Variants in KNDC1 observed in about 807,000 individuals in gnomAD.
KNDC1 encodes the protein kinase non-catalytic C-lobe domain-containing protein 1.
Under a neutral mutation model 172.8 loss-of-function variants are expected in KNDC1, and 106 were observed. The observed-to-expected ratio is 0.61, with a 90% CI of 0.52 to 0.72. The LOEUF (loss-of-function observed/expected upper bound fraction) is 0.72, where lower values mean the gene tolerates loss of function less well. Ranked by LOEUF, KNDC1 falls within the 30% of genes least tolerant of loss-of-function variation. The pLI is 0.00. For missense variants in KNDC1, 2,325 were observed against 2,394.5 expected (o/e 0.97, Z 0.61); for synonymous variants, 1,083 against 1,062.2 (o/e 1.02, Z -0.38).
intron 3 of KNDC1, among the ~76,000 whole-genome samples, chr10:133,172,546 T>C (rs527973392): frequency 6.6e-6 from 1 of 152,320 alleles, no homozygotes; most frequent in African/African-American, 2.4e-5. Flanking sequence ...GGCCTCAGGA[T>C]TGTTCTAATC....
intron 6 of KNDC1, among the ~76,000 whole-genome samples, chr10:133,188,306 G>A (rs975019015): frequency 3.3e-5 from 5 of 152,174 alleles, no homozygotes; most frequent in African/African-American, 1.2e-4. Flanking sequence ...GTCGTCTGCA[G>A]TGGCTGCACC....
At chr10:133,211,909 C>G in intron 23 of KNDC1, 51 bp downstream of exon 23, 7 of 1,546,910 alleles carry the variant, frequency 4.5e-6, no homozygotes, top group Non-Finnish European at 6.1e-6. Flanking sequence ...GATGTGGGTC[C>G]CTGAGCCCAG....
intron 3 of KNDC1, among the ~76,000 whole-genome samples, chr10:133,180,683 G>A (rs550879693): frequency 2.6e-5 from 4 of 152,378 alleles, no homozygotes; most frequent in South Asian, 4.1e-4. Flanking sequence ...CACGCACAAC[G>A]TTAGAAGCTG....
chr10:133,165,715 A>T (rs1357778317), intron 1 of KNDC1, among the ~76,000 whole-genome samples: 1 of 152,144 alleles, frequency 6.6e-6, no homozygotes, highest in Non-Finnish European at 1.5e-5. Flanking sequence ...GTTTGTGTGT[A>T]CGCAGTGCCC....
At chr10:133,189,698 GT>G in intron 8 of KNDC1, 29 bp downstream of exon 8, 1 of 1,614,040 alleles carries the variant, frequency 6.2e-7, no homozygotes, top group Non-Finnish European at 8.5e-7. Flanking sequence ...CTCAGGCCGA[GT>G]CCAGCACCGG....
chr10:133,163,152 C>G lies in KNDC1; in HGVS notation c.102+2583C>G, dbSNP rs1035061617. Among the ~76,000 whole-genome samples, 2 of 152,164 alleles carry G rather than the reference C, an allele frequency of 1.3e-5. No homozygotes were observed. Among genetic ancestry groups the G allele is most frequent in the Non-Finnish European group, 2.9e-5 (2 of 68,030 alleles). ...AGCGGCTGCAGAAGAGGCACACAGT[C>G]CAGGCGGCTGGAGTCGATGGATGGG... On this transcript the variant is annotated intron_variant, in intron 1 of 29. Coordinates refer to ENST00000304613, the MANE Select transcript of KNDC1 (RefSeq NM_152643.8). The surrounding 1 kb of genome is among the most constrained non-coding windows in gnomAD (Gnocchi z 4.4).
intron 29 of KNDC1, among the ~76,000 whole-genome samples, chr10:133,222,282 CAAA>C (rs557486015): frequency 1.6e-5 from 2 of 123,818 alleles, no homozygotes; most frequent in Admixed American, 8.0e-5. Context: ...GACTCCGTCT[CAAA>C]AAAAAAAAAA....
At chr10:133,164,779 C>T (rs985465404) in intron 1 of KNDC1, among the ~76,000 whole-genome samples, 2 of 152,162 alleles carry the variant, frequency 1.3e-5, no homozygotes, top group African/African-American at 4.8e-5. Context: ...AGATAGCTCC[C>T]GACCTTGAGG....
chr10:133,215,180 G>C (rs1352694830), intron 26 of KNDC1, among the ~76,000 whole-genome samples: 1 of 152,170 alleles, frequency 6.6e-6, no homozygotes, highest in Non-Finnish European at 1.5e-5. Context: ...AAGCAAACTT[G>C]AGCCCAAGGA....
At position 133,224,905 on chromosome 10, in the gene KNDC1, G is replaced by C; in HGVS notation, c.*15G>C. 6.3e-7 allele frequency: 1 copy of C among 1,597,902 alleles called. No individual in the cohort carries two copies. Among genetic ancestry groups the C allele is most frequent in the East Asian group, 2.2e-5 (1 of 44,670 alleles). On this transcript the variant is annotated 3_prime_UTR_variant, in exon 30 of 30. Coordinates refer to ENST00000304613, the MANE Select transcript of KNDC1 (RefSeq NM_152643.8). The surrounding 1 kb of genome is among the most constrained non-coding windows in gnomAD (Gnocchi z 5.4). ...CATTCCAGTAGCCGAGCTCGGGCCT[G>C]GTGTGGAATTCCAGATCCGAATCCG...
chr10:133,221,229 G>T (rs543689493), intron 29 of KNDC1, among the ~76,000 whole-genome samples: 1 of 152,198 alleles, frequency 6.6e-6, no homozygotes, highest in South Asian at 2.1e-4. Context: ...ACATCCAGGT[G>T]GGACCCAGGA....
At chr10:133,214,347 T>G (rs1276569755) in intron 26 of KNDC1, among the ~76,000 whole-genome samples, 1 of 152,146 alleles carries the variant, frequency 6.6e-6, no homozygotes, top group Non-Finnish European at 1.5e-5. Flanking sequence ...CCCCCAGCAC[T>G]GCCTGCCACA....
chr10:133,167,402 A>G lies in KNDC1; in HGVS notation c.124A>G (p.Ile42Val), dbSNP rs532512129. ...EDEENVSLAD[I>V]LSLRDRGLSE... is the part of the protein sequence containing the mutation. ...GCAGGAGAACGTGTCTCTGGCTGAC[A>G]TCCTCTCCCTGCGGGACCGCGGCCT... is the stretch of plus-strand genomic sequence containing the variant. The change falls in exon 2 of 30, where the codon ATC becomes GTC. Residue 42 changes from isoleucine to valine, a missense_variant. Ile to Val is a conservative substitution (Grantham distance 29). Coordinates refer to ENST00000304613, the MANE Select transcript of KNDC1 (RefSeq NM_152643.8). The G allele has an allele frequency of 1.9e-6, 3 of 1,594,730 alleles. No homozygotes were observed. The highest frequency in any genetic ancestry group is 4.5e-5 in the East Asian group (2 of 44,190).
At chr10:133,221,881 CT>C (rs1845597651) in intron 29 of KNDC1, among the ~76,000 whole-genome samples, 8 of 82,068 alleles carry the variant, frequency 9.7e-5, no homozygotes, top group Non-Finnish European at 2.7e-5. Flanking sequence ...GTGGGCAGGG[CT>C]GGGTGCAGCC....
At chr10:133,195,373 G>A (rs1054604080) in intron 9 of KNDC1, among the ~76,000 whole-genome samples, 3 of 152,224 alleles carry the variant, frequency 2.0e-5, no homozygotes, top group African/African-American at 7.2e-5. Flanking sequence ...CTGCCTTCGT[G>A]AGGAGAGTGG....
At chr10:133,220,761 G>A (rs1465152612) in intron 29 of KNDC1, among the ~76,000 whole-genome samples, 16 of 118,774 alleles carry the variant, frequency 1.3e-4, no homozygotes, top group Admixed American at 8.8e-4. Flanking sequence ...AGGTGAGGAG[G>A]GGCTCAGGCG....
chr10:133,206,434 G>A (rs933043323), intron 17 of KNDC1, among the ~76,000 whole-genome samples: 1 of 152,028 alleles, frequency 6.6e-6, no homozygotes, highest in African/African-American at 2.4e-5. Flanking sequence ...CTGTGGGTGA[G>A]GGGCGCAGGG....
chr10:133,197,549 A>AT, intron 11 of KNDC1, 126 bp from the exon 12 acceptor site: 1 of 764,316 alleles, frequency 1.3e-6, no homozygotes, highest in Non-Finnish European at 2.3e-6. Flanking sequence ...TGTGGCCGCC[A>AT]TGCCCGGCTC....
rs758782146 is a variant in KNDC1 at position 133,168,298 on chromosome 10, G to A, written c.346G>A (p.Gly116Arg). The change falls in exon 3 of 30, where the codon GGG becomes AGG. Residue 116 changes from glycine to arginine, a missense_variant. By Grantham distance (125) the Gly-to-Arg change is moderately radical. Coordinates refer to ENST00000304613, the MANE Select transcript of KNDC1 (RefSeq NM_152643.8). The stretch of plus-strand genomic sequence containing the variant: ...CGTTCCCCCCGAGTTCGACGTGACC[G>A]GGAACACCTTTGAGGTAAGTGCAGG... ...AFVPPEFDVTGNTFEAHIYSL... is the reference protein window; with the variant it reads ...AFVPPEFDVTRNTFEAHIYSL... 5.0e-6 allele frequency: 8 copies of A among 1,614,078 alleles called. No homozygotes were observed. The highest frequency in any genetic ancestry group is 1.1e-5 in the South Asian group (1 of 91,068).
Sources: gnomAD v4.1 joint callset for allele counts (sites outside exome capture counted in the v4.1 genomes callset) on GRCh38, gnomAD v4.1.1 for gene constraint, Gnocchi (gnomAD v3.1) non-coding constraint, MANE v1.5 for transcripts, NCBI Gene and HGNC (gene_info 2026-07-23, HGNC 2026-07-21) for gene names.